Variants in EPHA6 observed in about 807,000 individuals in gnomAD.
EPHA6 encodes EPH receptor A6.
Under a neutral mutation model 112.0 loss-of-function variants are expected in EPHA6, and 50 were observed. The ratio of observed to expected loss-of-function variants is 0.45; its 90% CI spans 0.36 to 0.56. EPHA6 has a LOEUF of 0.56. EPHA6 is among the 20% of genes least tolerant of loss of function. The probability of loss-of-function intolerance (pLI) is 0.00; values close to 1 mark genes in which losing one functional copy is unlikely to be tolerated. For missense variants in EPHA6, 1,280 were observed against 1,417.4 expected (o/e 0.90, Z 1.56); for synonymous variants, 529 against 490.7 (o/e 1.08, Z -1.03).
chr3:96,942,508 G>C (rs983625797), intron 2 of EPHA6, among the ~76,000 whole-genome samples: 2 of 152,178 alleles, frequency 1.3e-5, no homozygotes, highest in South Asian at 4.1e-4. Flanking sequence ...TCCAGGTGCC[G>C]TCTGTCACCC....
chr3:97,049,461 G>C (rs1209791060), intron 3 of EPHA6, among the ~76,000 whole-genome samples: 1 of 152,156 alleles, frequency 6.6e-6, no homozygotes, highest in Non-Finnish European at 1.5e-5. Flanking sequence ...TAATGATGCT[G>C]GTGTTGTATC....
intron 3 of EPHA6, among the ~76,000 whole-genome samples, chr3:97,109,969 T>C (rs2047675785): frequency 6.6e-6 from 1 of 152,108 alleles, no homozygotes; most frequent in Non-Finnish European, 1.5e-5. Context: ...AGCATTTCAT[T>C]TTCTATTGAT....
chr3:96,958,527 TAGTC>T (rs1385380810), intron 2 of EPHA6, among the ~76,000 whole-genome samples: 1 of 152,206 alleles, frequency 6.6e-6, no homozygotes, highest in African/African-American at 2.4e-5. Flanking sequence ...ATTACAATAA[TAGTC>T]AATGATTTTC....
rs147930755 is a variant in EPHA6, at chr3:97,677,646, G to A, written c.2784+39564G>A. 7.4e-3 allele frequency among the ~76,000 whole-genome samples: 1,123 copies of A among 151,368 alleles called. 15 individuals are homozygous for A. The highest frequency in any genetic ancestry group is 0.01 in the Non-Finnish European group (695 of 67,854). ...TGAGGCAGGAGGATTGCATGAATCT[G>A]GGAGGTGGAGGTTGCAGTGAGCCAA... On this transcript the variant is annotated intron_variant, in intron 14 of 17. Transcript: ENST00000389672.
chr3:97,736,179 GATA>G (rs2035243882), intron 16 of EPHA6, 61 bp downstream of exon 16: 1 of 1,401,848 alleles, frequency 7.1e-7, no homozygotes, highest in Non-Finnish European at 9.7e-7. Flanking sequence ...TCAGGCTATA[GATA>G]ATAATAACAG....
intron 3 of EPHA6, among the ~76,000 whole-genome samples, chr3:97,040,711 A>C (rs1404106538): frequency 1.3e-5 from 2 of 152,084 alleles, no homozygotes; most frequent in Non-Finnish European, 2.9e-5. Context: ...GGCTATGTCA[A>C]ATTCTTCAGA....
chr3:97,662,720 G>A (rs1221875151), intron 14 of EPHA6, among the ~76,000 whole-genome samples: 1 of 152,176 alleles, frequency 6.6e-6, no homozygotes, highest in Non-Finnish European at 1.5e-5. Flanking sequence ...CTGTTAACAA[G>A]TGGAACAAAT....
intron 11 of EPHA6, among the ~76,000 whole-genome samples, chr3:97,547,308 G>T (rs892769781): frequency 6.6e-6 from 1 of 152,230 alleles, no homozygotes; most frequent in Admixed American, 6.5e-5. Flanking sequence ...ATGCAGGTCT[G>T]TTGGAGTTTG....
At chr3:97,677,361 A>T (rs1454203473) in intron 14 of EPHA6, among the ~76,000 whole-genome samples, 2 of 152,150 alleles carry the variant, frequency 1.3e-5, no homozygotes, top group Admixed American at 1.3e-4. Flanking sequence ...TGACAGGATC[A>T]ATGGATTCCT....
At chr3:97,432,029 G>C (rs1559999367) in intron 6 of EPHA6, among the ~76,000 whole-genome samples, 1 of 152,090 alleles carries the variant, frequency 6.6e-6, no homozygotes, top group Non-Finnish European at 1.5e-5. Context: ...TACAGAAACA[G>C]GCAACTGACT....
intron 14 of EPHA6, among the ~76,000 whole-genome samples, chr3:97,652,798 A>C (rs981437665): frequency 2.6e-5 from 4 of 152,062 alleles, no homozygotes; most frequent in Admixed American, 2.6e-4. Flanking sequence ...TCAAAACAGA[A>C]ACTTACTCCT....
chr3:97,308,387 AT>A (rs2081410314), intron 5 of EPHA6, among the ~76,000 whole-genome samples: 1 of 151,702 alleles, frequency 6.6e-6, no homozygotes, highest in African/African-American at 2.4e-5. Flanking sequence ...TTTCTCTGAA[AT>A]TTTGCCTTTC....
intron 5 of EPHA6, among the ~76,000 whole-genome samples, chr3:97,348,030 T>C (rs752388061): frequency 2.0e-5 from 3 of 152,068 alleles, no homozygotes; most frequent in Non-Finnish European, 2.9e-5. Flanking sequence ...ATTTCCAACT[T>C]ATTTTTTTGG....
chr3:97,532,594 T>G, intron 11 of EPHA6, 51 bp downstream of exon 11: 1 of 1,489,830 alleles, frequency 6.7e-7, no homozygotes, highest in Non-Finnish European at 9.0e-7. Flanking sequence ...ATCTCAGTTT[T>G]TTTTTAAGAA....
intron 3 of EPHA6, among the ~76,000 whole-genome samples, chr3:97,106,641 A>G (rs896311222): frequency 2.0e-5 from 3 of 152,132 alleles, no homozygotes; most frequent in African/African-American, 4.8e-5. Context: ...CCCAGGATAC[A>G]GAAAGCCCTC....
chr3:97,386,060 C>T (rs2086048242), intron 5 of EPHA6, among the ~76,000 whole-genome samples: 1 of 152,098 alleles, frequency 6.6e-6, no homozygotes. Flanking sequence ...TTTCAAAACA[C>T]AATCATGTTT....
chr3:96,983,302 T>C (rs1214186880), intron 2 of EPHA6, among the ~76,000 whole-genome samples: 2 of 152,186 alleles, frequency 1.3e-5, no homozygotes, highest in Non-Finnish European at 2.9e-5. Flanking sequence ...TATTTCTCCT[T>C]CACTTATGAA....
chr3:97,145,419 ATCTT>A (rs1382413369), intron 3 of EPHA6, among the ~76,000 whole-genome samples: 1 of 151,286 alleles, frequency 6.6e-6, no homozygotes, highest in African/African-American at 2.4e-5. Context: ...TCCAAAATGT[ATCTT>A]TAAACTTTTT....
At chr3:97,134,831 T>C (rs534509625) in intron 3 of EPHA6, among the ~76,000 whole-genome samples, 3 of 152,180 alleles carry the variant, frequency 2.0e-5, no homozygotes, top group South Asian at 2.1e-4. Flanking sequence ...CTTAGAAGAA[T>C]AGATGCGAGA....
Sources: allele counts gnomAD v4.1 joint callset (sites outside exome capture counted in the v4.1 genomes callset), GRCh38; gene constraint gnomAD v4.1.1; transcripts MANE v1.5; gene names NCBI Gene and HGNC (gene_info 2026-07-23, HGNC 2026-07-21).